Variants in HS6ST3 observed in about 807,000 individuals in gnomAD.
The protein encoded by HS6ST3 is heparan-sulfate 6-O-sulfotransferase 3.
Under a neutral mutation model 36.7 loss-of-function variants are expected in HS6ST3, and 12 were observed. The observed-to-expected ratio is 0.33, with a 90% CI of 0.21 to 0.53. HS6ST3 has a LOEUF of 0.53. HS6ST3 is among the 20% of genes least tolerant of loss of function. HS6ST3 has a pLI of 0.95. For synonymous variants in HS6ST3, 240 were observed against 257.5 expected (o/e 0.93, Z 0.65); for missense variants, 584 against 640.9 (o/e 0.91, Z 0.96).
At chr13:96,355,003 CA>C (rs1379883476) in intron 1 of HS6ST3, among the ~76,000 whole-genome samples, 1 of 151,958 alleles carries the variant, frequency 6.6e-6, no homozygotes, top group African/African-American at 2.4e-5. Flanking sequence ...AGCAACTAAA[CA>C]AAAAACTAAC....
At chr13:96,370,502 A>G (rs1299147091) in intron 1 of HS6ST3, among the ~76,000 whole-genome samples, 3 of 152,254 alleles carry the variant, frequency 2.0e-5, no homozygotes, top group Non-Finnish European at 4.4e-5. Context: ...CTTAAGAACT[A>G]GAGTGTTACC....
chr13:96,315,026 A>G (rs1640779112), intron 1 of HS6ST3, among the ~76,000 whole-genome samples: 1 of 152,214 alleles, frequency 6.6e-6, no homozygotes, highest in South Asian at 2.1e-4. Flanking sequence ...CTAGATCTGC[A>G]GATGAACAGA....
At chr13:96,424,790 A>C (rs1649421029) in intron 1 of HS6ST3, among the ~76,000 whole-genome samples, 2 of 152,198 alleles carry the variant, frequency 1.3e-5, no homozygotes, top group Non-Finnish European at 2.9e-5. Flanking sequence ...ATGAATTTGG[A>C]GGGGACATAA....
intron 1 of HS6ST3, among the ~76,000 whole-genome samples, chr13:96,117,977 C>T (rs984649993): frequency 3.3e-5 from 5 of 151,808 alleles, no homozygotes; most frequent in Non-Finnish European, 7.4e-5. Context: ...TCAAACAATT[C>T]AACTGCCTCA....
chr13:96,644,187 A>G (rs1317872408), intron 1 of HS6ST3, among the ~76,000 whole-genome samples: 1 of 152,002 alleles, frequency 6.6e-6, no homozygotes, highest in East Asian at 1.9e-4. Flanking sequence ...TATGATAATG[A>G]AGCACAAAAG....
chr13:96,673,506 C>A, intron 1 of HS6ST3, among the ~76,000 whole-genome samples: 1 of 152,050 alleles, frequency 6.6e-6, no homozygotes, highest in East Asian at 1.9e-4. Context: ...AATTAGAGGG[C>A]AATTTAATCT....
chr13:96,808,070 C>T (rs952029939), intron 1 of HS6ST3, among the ~76,000 whole-genome samples: 14 of 151,962 alleles, frequency 9.2e-5, no homozygotes, highest in African/African-American at 2.9e-4. Flanking sequence ...TTTGACTGGA[C>T]GGTGCCAAAA....
intron 1 of HS6ST3, among the ~76,000 whole-genome samples, chr13:96,644,166 A>G (rs2056580223): frequency 6.6e-6 from 1 of 151,994 alleles, no homozygotes; most frequent in Admixed American, 6.6e-5. Context: ...CATTATTATC[A>G]TCATATTGCA....
chr13:96,275,255 C>T lies in HS6ST3; in HGVS notation c.707+183686C>T, dbSNP rs143378178. Reference sequence around the variant, plus strand: ...ATGGTTTTGTTTTTATTATCTTTACCCCCTGCTTCAGAATTATTTACTTAG... The same window carrying T: ...ATGGTTTTGTTTTTATTATCTTTACTCCCTGCTTCAGAATTATTTACTTAG... On this transcript the variant is annotated intron_variant, in intron 1 of 1. Coordinates refer to ENST00000376705, the MANE Select transcript of HS6ST3 (RefSeq NM_153456.4). Among the ~76,000 whole-genome samples, 654 of 152,054 alleles carry T rather than the reference C, an allele frequency of 4.3e-3. 3 individuals are homozygous for T. The highest frequency in any genetic ancestry group is 6.7e-3 in the Non-Finnish European group (455 of 67,978).
At chr13:96,619,354 GTTAA>G (rs1324152513) in intron 1 of HS6ST3, among the ~76,000 whole-genome samples, 3 of 152,104 alleles carry the variant, frequency 2.0e-5, no homozygotes, top group Non-Finnish European at 4.4e-5. Flanking sequence ...CTTCTTTTCA[GTTAA>G]TTTTGTTCTG....
At chr13:96,586,327 G>A (rs975304596) in intron 1 of HS6ST3, among the ~76,000 whole-genome samples, 6 of 151,494 alleles carry the variant, frequency 4.0e-5, no homozygotes, top group Non-Finnish European at 5.9e-5. Flanking sequence ...ATGATGTCTA[G>A]CTCTGTCGTC....
chr13:96,234,581 C>T (rs569648442), intron 1 of HS6ST3, among the ~76,000 whole-genome samples: 2 of 151,954 alleles, frequency 1.3e-5, no homozygotes, highest in African/African-American at 2.4e-5. Context: ...TCTTACATGG[C>T]AACAGGCAAG....
chr13:96,628,439 TA>T (rs1466605630), intron 1 of HS6ST3, among the ~76,000 whole-genome samples: 3 of 152,082 alleles, frequency 2.0e-5, no homozygotes, highest in African/African-American at 7.2e-5. Context: ...ACAATTTTTA[TA>T]AATAGTTCAT....
intron 1 of HS6ST3, among the ~76,000 whole-genome samples, chr13:96,743,014 C>T (rs563625952): frequency 6.4e-4 from 98 of 152,006 alleles, no homozygotes; most frequent in African/African-American, 2.1e-3. Context: ...CCACTCTAAC[C>T]TTTTTCCTGT....
chr13:96,416,833 A>G (rs1053060103), intron 1 of HS6ST3, among the ~76,000 whole-genome samples: 17 of 151,528 alleles, frequency 1.1e-4, no homozygotes, highest in African/African-American at 3.9e-4. Context: ...GCTCACTGCA[A>G]GCTCTGCCTC....
intron 1 of HS6ST3, among the ~76,000 whole-genome samples, chr13:96,237,657 C>A (rs1365748353): frequency 6.6e-6 from 1 of 152,102 alleles, no homozygotes; most frequent in Non-Finnish European, 1.5e-5. Context: ...TAATGCTTTA[C>A]CTCTAATCTT....
intron 1 of HS6ST3, among the ~76,000 whole-genome samples, chr13:96,506,003 T>A (rs1314510939): frequency 6.6e-6 from 1 of 152,180 alleles, no homozygotes; most frequent in African/African-American, 2.4e-5. Flanking sequence ...GAATCGATAC[T>A]TCTGTTTCTT....
At chr13:96,256,937 T>C (rs1356802690) in intron 1 of HS6ST3, among the ~76,000 whole-genome samples, 2 of 152,172 alleles carry the variant, frequency 1.3e-5, no homozygotes, top group Admixed American at 6.5e-5. Flanking sequence ...AACCAGGGGA[T>C]ATATGGTCTC....
chr13:96,475,347 G>A (rs1293184932), intron 1 of HS6ST3, among the ~76,000 whole-genome samples: 1 of 152,112 alleles, frequency 6.6e-6, no homozygotes, highest in Non-Finnish European at 1.5e-5. Flanking sequence ...ATGACAGGAA[G>A]CTGATAGAAG....
Sources: gnomAD v4.1 joint callset for allele counts (sites outside exome capture counted in the v4.1 genomes callset) on GRCh38, gnomAD v4.1.1 for gene constraint, MANE v1.5 for transcripts, NCBI Gene and HGNC (gene_info 2026-07-23, HGNC 2026-07-21) for gene names.